Variants in SDK2 observed in about 807,000 individuals in gnomAD.
SDK2 encodes the protein sidekick cell adhesion molecule 2.
In SDK2, 105 loss-of-function variants were observed where a neutral mutation model predicts 253.9. That is an observed-to-expected ratio of 0.41 (90% CI 0.35 to 0.49). The LOEUF (loss-of-function observed/expected upper bound fraction) is 0.49. Among genes scored for constraint, SDK2 ranks in the 20% least tolerant of loss-of-function variants. The probability of loss-of-function intolerance (pLI) is 0.06; values close to 1 mark genes in which losing one functional copy is unlikely to be tolerated. For missense variants in SDK2, 2,608 were observed against 3,003.0 expected, an observed-to-expected ratio of 0.87 and a Z score of 3.07; for synonymous variants, 1,249 against 1,234.9, an observed-to-expected ratio of 1.01 and a Z score of -0.24.
chr17:73,523,654 G>T (rs1389782190), intron 1 of SDK2, among the ~76,000 whole-genome samples: 1 of 152,044 alleles, frequency 6.6e-6, no homozygotes, highest in Non-Finnish European at 1.5e-5. Context: ...GGCCTTGCTG[G>T]GCACTTTGAT....
chr17:73,577,089 C>T (rs778584984), intron 1 of SDK2, among the ~76,000 whole-genome samples: 39 of 152,148 alleles, frequency 2.6e-4, no homozygotes, highest in Non-Finnish European at 4.0e-4. Context: ...AGAAAGGACA[C>T]GGACTGGATA....
At chr17:73,373,522 T>C (rs147278142) in intron 36 of SDK2, among the ~76,000 whole-genome samples, 2 of 152,308 alleles carry the variant, frequency 1.3e-5, no homozygotes, top group Non-Finnish European at 2.9e-5. Context: ...TTACCACCAC[T>C]TATCTCTAGA....
At chr17:73,351,456 G>A (rs992365753) in intron 41 of SDK2, among the ~76,000 whole-genome samples, 2 of 152,114 alleles carry the variant, frequency 1.3e-5, no homozygotes, top group Non-Finnish European at 2.9e-5. Flanking sequence ...ATCTTGATAA[G>A]CATACCTAAA....
rs186600575 is a variant in SDK2 at position 73,367,073 on chromosome 17, A to G, written c.5167+1334T>C. 2.9e-3 allele frequency among the ~76,000 whole-genome samples: 434 copies of G among 151,942 alleles called. 4 individuals carry two copies. The highest frequency in any genetic ancestry group is 0.01 in the African/African-American group (422 of 41,440). On this transcript the variant is annotated intron_variant, in intron 37 of 44. Transcript: ENST00000392650. ...GGCTGGAGTGCAGTGGTACAATCTCAGCTCACTGCAACCTCCACCTCCCAG... is the reference window on the plus strand; with the variant it reads ...GGCTGGAGTGCAGTGGTACAATCTCGGCTCACTGCAACCTCCACCTCCCAG...
chr17:73,483,641 A>ATGTG (rs1174506982), intron 2 of SDK2, among the ~76,000 whole-genome samples: 2 of 83,684 alleles, frequency 2.4e-5, no homozygotes. Context: ...GTATATATAT[A>ATGTG]TGTGTGTGTG....
chr17:73,620,789 T>C (rs750247108), intron 1 of SDK2, among the ~76,000 whole-genome samples: 1 of 152,250 alleles, frequency 6.6e-6, no homozygotes, highest in Non-Finnish European at 1.5e-5. Context: ...TGACTCCATT[T>C]ATGTGAAACA....
chr17:73,591,108 C>T (rs1216362406), intron 1 of SDK2, among the ~76,000 whole-genome samples: 2 of 152,090 alleles, frequency 1.3e-5, no homozygotes, highest in Non-Finnish European at 2.9e-5. Flanking sequence ...TTAGTAGAGA[C>T]AGGGTTTCGC....
intron 1 of SDK2, among the ~76,000 whole-genome samples, chr17:73,582,447 G>A (rs1352717498): frequency 1.3e-5 from 2 of 152,198 alleles, no homozygotes; most frequent in Non-Finnish European, 2.9e-5. Flanking sequence ...TTTTTTTCAT[G>A]CTGGCAACAG....
intron 1 of SDK2, among the ~76,000 whole-genome samples, chr17:73,538,130 G>A (rs72845734): frequency 0.013 from 1,911 of 152,296 alleles, 22 homozygotes; most frequent in Non-Finnish European, 0.018. Flanking sequence ...TGGCTGGAAA[G>A]GCTCAGTGAA....
chr17:73,609,396 C>T lies in SDK2; in HGVS notation c.64+34629G>A, dbSNP rs1311589177. Among the ~76,000 whole-genome samples, 2 of 152,168 alleles carry T rather than the reference C, an allele frequency of 1.3e-5. No homozygotes were observed. The highest frequency in any genetic ancestry group is 4.8e-5 in the African/African-American group (2 of 41,438). On this transcript the variant is annotated intron_variant, in intron 1 of 44. Coordinates refer to ENST00000392650, the MANE Select transcript of SDK2 (RefSeq NM_001144952.2). This position sits in a 1 kb window ranked among gnomAD's most constrained non-coding sequence, Gnocchi z 4.4. ...GCAAGAAAGGCACCAAACTGAGAGCCAGCCAAGAGAAGACCACGATGGACC... is the reference window on the plus strand; with the variant it reads ...GCAAGAAAGGCACCAAACTGAGAGCTAGCCAAGAGAAGACCACGATGGACC...
intron 44 of SDK2, among the ~76,000 whole-genome samples, chr17:73,339,164 T>C (rs540273916): frequency 6.6e-6 from 1 of 152,022 alleles, no homozygotes; most frequent in South Asian, 2.1e-4. Context: ...GGATCTACTA[T>C]GGGGTTGGCC....
chr17:73,456,771 G>T (rs555972450), intron 3 of SDK2, among the ~76,000 whole-genome samples: 21 of 152,356 alleles, frequency 1.4e-4, no homozygotes, highest in African/African-American at 5.1e-4. Context: ...CAGAGGAGAC[G>T]CGGGTAGGAA....
At chr17:73,569,687 G>C (rs1014051354) in intron 1 of SDK2, among the ~76,000 whole-genome samples, 1 of 151,436 alleles carries the variant, frequency 6.6e-6, no homozygotes, top group Admixed American at 6.6e-5. Flanking sequence ...AAGGTCTGAT[G>C]TGGATTGAAA....
At chr17:73,558,063 A>G (rs2145846972) in intron 1 of SDK2, among the ~76,000 whole-genome samples, 1 of 152,206 alleles carries the variant, frequency 6.6e-6, no homozygotes, top group Non-Finnish European at 1.5e-5. Flanking sequence ...CCCATCCCCA[A>G]CACCATGGGC....
At chr17:73,407,360 G>C (rs1164026384) in intron 18 of SDK2, among the ~76,000 whole-genome samples, 1 of 152,144 alleles carries the variant, frequency 6.6e-6, no homozygotes, top group Non-Finnish European at 1.5e-5. Context: ...AGAGGCCAAT[G>C]ATGGGTCCAT....
rs1441494371 is a variant in SDK2 at position 73,612,280 on chromosome 17, C to T, written c.64+31745G>A. On this transcript the variant is annotated intron_variant, in intron 1 of 44. Transcript: ENST00000392650. The surrounding 1 kb of genome is among the most constrained non-coding windows in gnomAD (Gnocchi z 4.4). ...TCACGGGGTCCCTGTGACCCAGCTG[C>T]ACCTGGGCTGCAGGCTGGCCCCGCA... 6.6e-6 allele frequency among the ~76,000 whole-genome samples: 1 copy of T among 151,854 alleles called. No individual in the cohort carries two copies. Among genetic ancestry groups the T allele is most frequent in the Non-Finnish European group, 1.5e-5 (1 of 67,932 alleles).
At chr17:73,442,230 C>T (rs574543642) in intron 5 of SDK2, among the ~76,000 whole-genome samples, 1 of 152,366 alleles carries the variant, frequency 6.6e-6, no homozygotes, top group East Asian at 1.9e-4. Flanking sequence ...AGAAGCTGAC[C>T]ATACTGGCTT....
intron 2 of SDK2, among the ~76,000 whole-genome samples, chr17:73,479,950 C>A (rs2063710966): frequency 6.6e-6 from 1 of 152,232 alleles, no homozygotes; most frequent in Non-Finnish European, 1.5e-5. Flanking sequence ...CCTTTGGCCT[C>A]CCAAAGTGCT....
intron 18 of SDK2, among the ~76,000 whole-genome samples, chr17:73,408,052 T>TAA: frequency 9.3e-6 from 1 of 107,782 alleles, no homozygotes; most frequent in East Asian, 2.6e-4. Flanking sequence ...ATTTCCTTTT[T>TAA]TTTTTTTTTT....
Sources: gnomAD v4.1 joint callset for allele counts (sites outside exome capture counted in the v4.1 genomes callset) on GRCh38, gnomAD v4.1.1 for gene constraint, Gnocchi (gnomAD v3.1) non-coding constraint, MANE v1.5 for transcripts, NCBI Gene and HGNC (gene_info 2026-07-23, HGNC 2026-07-21) for gene names.